Variants in RSPH3 observed in about 807,000 individuals in gnomAD.
The protein encoded by RSPH3 is radial spoke head protein 3 homolog.
RSPH3 carries 21 observed loss-of-function variants against 43.8 expected under a neutral mutation model. The observed-to-expected ratio is 0.48, with a 90% CI of 0.34 to 0.69. The LOEUF is 0.69. Ranked by LOEUF, RSPH3 falls within the 30% of genes least tolerant of loss-of-function variation. The pLI is 0.01. For missense variants in RSPH3, 487 were observed against 516.0 expected, an observed-to-expected ratio of 0.94 and a Z score of 0.54; for synonymous variants, 173 against 179.8, an observed-to-expected ratio of 0.96 and a Z score of 0.30.
chr6:158,991,635 G>A (rs1438220722), intron 2 of RSPH3, among the ~76,000 whole-genome samples: 1 of 152,086 alleles, frequency 6.6e-6, no homozygotes, highest in Non-Finnish European at 1.5e-5. Context: ...AGAAAGAGTG[G>A]GGCACTGACT....
intron 2 of RSPH3, 39 bp downstream of exon 2, chr6:158,993,800 T>A (rs1028525816): frequency 9.1e-7 from 1 of 1,098,254 alleles, no homozygotes; most frequent in Non-Finnish European, 1.4e-6. Context: ...CCATAGATAA[T>A]GTGAGAACAC....
At chr6:158,996,481 T>A (rs1778601003) in intron 1 of RSPH3, among the ~76,000 whole-genome samples, 1 of 152,202 alleles carries the variant, frequency 6.6e-6, no homozygotes, top group Non-Finnish European at 1.5e-5. Flanking sequence ...AATCAGATAC[T>A]CCCATTTCTG....
Position 158,980,953 on chromosome 6 carries a change from A to G in RSPH3, c.697-17T>C, listed in dbSNP as rs1311557086. 6.2e-7 allele frequency: 1 copy of G among 1,612,818 alleles called. No individual in the cohort carries two copies. The highest frequency in any genetic ancestry group is 1.1e-5 in the South Asian group (1 of 91,036). ...ACGCCGTTCCTGCCAAGAACGACAG[A>G]GGTGGTTATTTAGCTCTTATGCCCT... On this transcript the variant is annotated splice_polypyrimidine_tract_variant and intron_variant, in intron 5 of 7. Coordinates refer to ENST00000367069, the MANE Select transcript of RSPH3 (RefSeq NM_031924.8).
At chr6:158,962,996 T>C in the RSPH3 span, among the ~76,000 whole-genome samples, 1 of 152,200 alleles carries the variant, frequency 6.6e-6, no homozygotes, top group Admixed American at 6.5e-5. Context: ...ATTGAAAATG[T>C]TGTTTATAAT....
chr6:158,993,818 G>C (rs1778501536), intron 2 of RSPH3, 21 bp downstream of exon 2: 1 of 1,384,240 alleles, frequency 7.2e-7, no homozygotes. Context: ...CACGGTGTTA[G>C]ACTATTCAAA....
At chr6:158,983,605 C>T in intron 4 of RSPH3, 57 bp downstream of exon 4, 2 of 1,333,446 alleles carry the variant, frequency 1.5e-6, no homozygotes, top group Non-Finnish European at 2.2e-6. Flanking sequence ...ATTATCTACA[C>T]CTAACTTTAC....
rs560966072 is a variant in RSPH3 at position 158,974,309 on chromosome 6, T to C, written c.*3229A>G. ...CCTTTAAAAGTCATACTGAGGGTCATAGTTGGGGATGTAGCATTTTGCATA... is the reference window on the plus strand; with the variant it reads ...CCTTTAAAAGTCATACTGAGGGTCACAGTTGGGGATGTAGCATTTTGCATA... On this transcript the variant is annotated 3_prime_UTR_variant, in exon 8 of 8. Transcript: ENST00000367069. 9.8e-5 allele frequency: 15 copies of C among 152,330 alleles called. No homozygotes were observed. The highest frequency in any genetic ancestry group is 3.6e-4 in the African/African-American group (15 of 41,576). 9.4% of individuals were successfully genotyped at this position (152,330 alleles called of 1,614,324 possible).
In RSPH3 at chr6:158,982,561, T is replaced by C. The variant is rs1562560893; in HGVS notation, c.620A>G (p.Tyr207Cys). 2.5e-6 allele frequency: 4 copies of C among 1,614,036 alleles called. No homozygotes were observed. Among genetic ancestry groups the C allele is most frequent in the South Asian group, 2.2e-5 (2 of 91,066 alleles). Residue 207 changes from tyrosine (Y) to cysteine (C), a missense_variant, in exon 5 of 8, where the codon TAT becomes TGT. By Grantham distance (194) the Tyr-to-Cys change is radical. Coordinates refer to ENST00000367069, the MANE Select transcript of RSPH3 (RefSeq NM_031924.8). ...ACGTTCACTATTCCGTAGTTCTTCA[T>C]ACTCACGCTGACTGGCCCGCAGGTT... Reference protein sequence around the residue: ...LANLRASQREYEELRNSERAE... With the variant: ...LANLRASQRECEELRNSERAE...
chr6:158,990,205 C>G (rs1424719153), intron 2 of RSPH3, among the ~76,000 whole-genome samples: 2 of 152,066 alleles, frequency 1.3e-5, no homozygotes, highest in South Asian at 4.2e-4. Flanking sequence ...ATATCTATTC[C>G]ATTTGTTCTG....
chr6:158,986,578 C>T (rs1778245185), intron 2 of RSPH3, among the ~76,000 whole-genome samples, 157 bp from the exon 3 acceptor site: 1 of 152,172 alleles, frequency 6.6e-6, no homozygotes, highest in African/African-American at 2.4e-5. Flanking sequence ...GGTACTTTGT[C>T]AGATAATTAC....
rs34756688 is a variant in RSPH3, at chr6:158,986,323, T to A, written c.303A>T (p.Thr101=). Residue 101 remains threonine, a synonymous_variant, in exon 3 of 8, where the codon ACA becomes ACT. Transcript: ENST00000367069. ...KQAQEQLRPQ[T]PEPVEGRKHV... is the part of the protein sequence containing the mutation. ...GCTTTCTGCCTTCCACAGGTTCAGG[T>A]GTTTGTGGTCTGAGCTGCTCTTGGG... The A allele has an allele frequency of 1.1e-5, 18 of 1,613,996 alleles. No homozygotes were observed. The African/African-American group carries it at 1.7e-4, about 16-fold the overall frequency.
chr6:158,985,678 G>C (rs1778205913), intron 3 of RSPH3, among the ~76,000 whole-genome samples: 1 of 151,844 alleles, frequency 6.6e-6, no homozygotes, highest in Non-Finnish European at 1.5e-5. Flanking sequence ...GCCTCCCAAA[G>C]TGTTGGGATT....
At position 158,977,721 on chromosome 6, in the gene RSPH3, A is replaced by C; in HGVS notation, c.1074T>G (p.Ser358=). 2 of 1,614,180 alleles carry C rather than the reference A, an allele frequency of 1.2e-6. No individual in the cohort carries two copies. Among genetic ancestry groups the C allele is most frequent in the Non-Finnish European group, 1.7e-6 (2 of 1,180,022 alleles). The change falls in exon 8 of 8, where the codon TCT becomes TCG. Residue 358 remains serine (S), a synonymous_variant. Transcript: ENST00000367069. ...GTGACATGCTCTGCTCCAGGAATTC[A>C]GAGGCCTCCAGTGACTCTGTCATTG... ...PGAMTESLEA[S]EFLEQSMSQT... is the part of the protein sequence containing the mutation.
At chr6:158,986,217 A>G (rs1778234072) in intron 3 of RSPH3, 63 bp downstream of exon 3, 14 of 1,537,074 alleles carry the variant, frequency 9.1e-6, no homozygotes, top group South Asian at 4.8e-5. Context: ...CCAAATAAAA[A>G]TGAACTGACA....
At chr6:158,985,906 C>T (rs758991031) in intron 3 of RSPH3, among the ~76,000 whole-genome samples, 5 of 151,352 alleles carry the variant, frequency 3.3e-5, no homozygotes, top group African/African-American at 7.3e-5. Context: ...CTCCGCCTCC[C>T]GGGTTCAAGC....
Position 158,984,473 on chromosome 6 carries a change from T to TATATATATATATA in RSPH3, c.347-667_347-666insTATATATATATAT, listed in dbSNP as rs1164216163. Among the ~76,000 whole-genome samples, 47 of 128,440 alleles carry TATATATATATATA rather than the reference T, an allele frequency of 3.7e-4. 1 individual carries two copies. Among genetic ancestry groups the TATATATATATATA allele is most frequent in the African/African-American group, 1.4e-3 (47 of 33,690 alleles). The allele number at this position is 128,440 out of a possible 152,430, so 84.3% of individuals were successfully genotyped here. ...ATATATATATATATATATATATATA[T>TATATATATATATA]ATTTGAGTCCTAAGATAGTAAACAT... On this transcript the variant is annotated intron_variant, in intron 3 of 7. Transcript: ENST00000367069.
chr6:158,964,682 C>T, the RSPH3 span, among the ~76,000 whole-genome samples: 2 of 151,990 alleles, frequency 1.3e-5, no homozygotes, highest in African/African-American at 4.8e-5. Flanking sequence ...ATTTTATTGT[C>T]GAGTTGTAAT....
chr6:158,968,826 C>A (rs1777660562), downstream of RSPH3, among the ~76,000 whole-genome samples: 1 of 151,936 alleles, frequency 6.6e-6, no homozygotes, highest in African/African-American at 2.4e-5. Context: ...ATTCTCCTGC[C>A]TTAGCCTCCC....
rs758044388 is a variant in RSPH3, at chr6:158,983,680, G to C, written c.474C>G (p.Thr158=). 29 of 1,613,466 alleles carry C rather than the reference G, an allele frequency of 1.8e-5. 1 individual carries two copies. The South Asian group carries it at 3.2e-4, about 18-fold the overall frequency. The change falls in exon 4 of 8, where the codon ACC becomes ACG. Residue 158 remains threonine, a synonymous_variant. Transcript: ENST00000367069. ...ACTGTACCTCTCCTTCTAGTATTTG[G>C]GTGGCCACATCTTTGCCAGTTTTGG... The part of the protein sequence containing the change: ...IPAKTGKDVA[T]QILEGELFDF...
Sources: allele counts gnomAD v4.1 joint callset (sites outside exome capture counted in the v4.1 genomes callset), GRCh38; gene constraint gnomAD v4.1.1; transcripts MANE v1.5; gene names NCBI Gene and HGNC (gene_info 2026-07-23, HGNC 2026-07-21).